The following ZNF519 variants were observed in gnomAD, a reference collection of about 807,000 sequenced individuals.
The protein encoded by ZNF519 is zinc finger protein 519.
In ZNF519, 7 loss-of-function variants were observed where a neutral mutation model predicts 7.4. That is an observed-to-expected ratio of 0.94 (90% CI 0.54 to 1.77). ZNF519 has a LOEUF of 1.77. Among genes scored for constraint, ZNF519 ranks in the 40% most tolerant of loss-of-function variants. The probability of loss-of-function intolerance (pLI) is 0.00; values close to 1 mark genes in which losing one functional copy is unlikely to be tolerated. For missense variants in ZNF519, 586 were observed against 623.1 expected (o/e 0.94, Z 0.63); for synonymous variants, 179 against 203.3 (o/e 0.88, Z 1.02).
intron 2 of ZNF519, among the ~76,000 whole-genome samples, chr18:14,111,000 T>C (rs2046217634): frequency 6.6e-6 from 1 of 151,900 alleles, no homozygotes; most frequent in Non-Finnish European, 1.5e-5. Context: ...AGAACTTATC[T>C]GTGTCACGAA....
chr18:14,106,605 T>C (rs28624098), intron 2 of ZNF519, among the ~76,000 whole-genome samples, 196 bp from the exon 3 acceptor site: 6,028 of 151,862 alleles, frequency 0.04, 413 homozygotes, highest in African/African-American at 0.14. Flanking sequence ...AATTTTACAA[T>C]GATCTATTAA....
In ZNF519 at chr18:14,102,036, T is replaced by C. The variant is rs942538293; in HGVS notation, c.*2881A>G. ...GTTTTTTGAGAATTTTATGCCCTGG[T>C]AGACCACAAATGAACAATCTTTGTC... On this transcript the variant is annotated 3_prime_UTR_variant, in exon 3 of 3. Coordinates refer to ENST00000590202, the MANE Select transcript of ZNF519 (RefSeq NM_145287.4). 6.9e-6 allele frequency: 2 copies of C among 289,860 alleles called. No homozygotes were observed. Among genetic ancestry groups the C allele is most frequent in the Admixed American group, 5.1e-5 (1 of 19,464 alleles). 18.0% of individuals were successfully genotyped at this position (289,860 alleles called of 1,614,324 possible).
At chr18:14,124,500 C>G (rs1235521126) in intron 1 of ZNF519, 24 bp from the exon 2 acceptor site, 5 of 1,601,692 alleles carry the variant, frequency 3.1e-6, no homozygotes. Flanking sequence ...TATCAAGTGA[C>G]AGAGCTCTTA....
downstream of ZNF519, chr18:14,075,467 C>T (rs2046044127): frequency 6.6e-6 from 1 of 152,146 alleles, no homozygotes. Context: ...TGCACACAGC[C>T]CTGCCCACTT....
intron 2 of ZNF519, among the ~76,000 whole-genome samples, chr18:14,119,639 T>C (rs2046261216): frequency 6.6e-6 from 1 of 152,140 alleles, no homozygotes; most frequent in Non-Finnish European, 1.5e-5. Context: ...TGGGGTTTTT[T>C]GAGACAGGGT....
intron 2 of ZNF519, chr18:14,122,572 T>C (rs1345133803): frequency 2.6e-5 from 4 of 152,172 alleles, no homozygotes; most frequent in East Asian, 1.9e-4. Context: ...AAAGGGGACA[T>C]TGGGTCTCAC....
intron 2 of ZNF519, among the ~76,000 whole-genome samples, chr18:14,117,973 T>A (rs549740032): frequency 6.6e-6 from 1 of 152,192 alleles, no homozygotes; most frequent in Non-Finnish European, 1.5e-5. Context: ...ATCCAAAATA[T>A]ATCATTTACA....
rs2046190920 is a variant in ZNF519 at position 14,106,222 on chromosome 18, T to G, written c.318A>C (p.Thr106=). 1.9e-6 allele frequency: 3 copies of G among 1,613,324 alleles called. No homozygotes were observed. The African/African-American group carries it at 4.0e-5, about 22-fold the overall frequency. Residue 106 remains threonine, a synonymous_variant, in exon 3 of 3, where the codon ACA becomes ACC. Transcript: ENST00000590202. ...ECYNLCSQYL[T]TSHNKHLTVK... ...CAGTTAAATGTTTGTTATGACTAGT[T>G]GTCAAATATTGGCTACATAGATTAT...
chr18:14,101,562 T>C lies in ZNF519; in HGVS notation c.*3355A>G, dbSNP rs2046161369. 2.5e-6 allele frequency: 1 copy of C among 397,658 alleles called. No homozygotes were observed. Among genetic ancestry groups the C allele is most frequent in the East Asian group, 3.6e-5 (1 of 28,044 alleles). The allele number at this position is 397,658 out of a possible 1,614,324, so 24.6% of individuals were successfully genotyped here. A position where few individuals can be genotyped will look rare whatever the true frequency, so the allele number is the denominator to read the frequency against. ...TGGATTAAAACTGTGGGTCACTCAATAGGGAAAGCCAAGGCACAAAGTCCT... is the reference window on the plus strand; with the variant it reads ...TGGATTAAAACTGTGGGTCACTCAACAGGGAAAGCCAAGGCACAAAGTCCT... On this transcript the variant is annotated 3_prime_UTR_variant, in exon 3 of 3. Coordinates refer to ENST00000590202, the MANE Select transcript of ZNF519 (RefSeq NM_145287.4).
intron 2 of ZNF519, chr18:14,122,537 G>T (rs1276264987): frequency 1.3e-5 from 2 of 151,938 alleles, no homozygotes; most frequent in Non-Finnish European, 2.9e-5. Flanking sequence ...AAAGCAGACA[G>T]ATCATGCAGC....
At chr18:14,073,840 G>T (rs2046037326), downstream of ZNF519, 1 of 152,074 alleles carries the variant, frequency 6.6e-6, no homozygotes, top group South Asian at 2.1e-4. Context: ...TTTATAATTT[G>T]CCTTTTGCAA....
intron 2 of ZNF519, among the ~76,000 whole-genome samples, chr18:14,120,169 GAA>G (rs1455900615): frequency 3.3e-5 from 5 of 152,056 alleles, no homozygotes; most frequent in South Asian, 4.1e-4. Flanking sequence ...TTATAGTAAT[GAA>G]AAGAGTGTGG....
intron 1 of ZNF519, among the ~76,000 whole-genome samples, chr18:14,126,199 T>C (rs1262859883): frequency 6.6e-6 from 1 of 152,092 alleles, no homozygotes; most frequent in African/African-American, 2.4e-5. Flanking sequence ...CTGCGCAGGG[T>C]TGGGACAGAT....
intron 2 of ZNF519, among the ~76,000 whole-genome samples, chr18:14,111,515 G>GAAAAAAAAAAAAA (rs371322134): frequency 4.1e-5 from 3 of 72,300 alleles, no homozygotes; most frequent in Non-Finnish European, 8.5e-5. Flanking sequence ...TCAAAAAAAA[G>GAAAAAAAAAAAAA]AAAAAAAAAA....
intron 2 of ZNF519, chr18:14,085,211 T>C (rs1379716320): frequency 6.6e-6 from 1 of 152,164 alleles, no homozygotes; most frequent in Non-Finnish European, 1.5e-5. Flanking sequence ...TCTGAATACA[T>C]GATAAACTTT....
Position 14,132,232 on chromosome 18 carries a change from A to T in ZNF519, c.3+43T>A, listed in dbSNP as rs372409454. ...CCGCCATGTCCAGCCGGTTCCAAGG[A>T]GCCCCCTCCCCAGTCTCGGTACGCC... On this transcript the variant is annotated intron_variant, in intron 1 of 2. Transcript: ENST00000590202. 2.9e-5 allele frequency: 46 copies of T among 1,611,512 alleles called. 1 individual carries two copies. The highest frequency in any genetic ancestry group is 3.7e-5 in the Non-Finnish European group (44 of 1,178,258).
rs1235698706 is a variant in ZNF519, at chr18:14,102,358, A to T, written c.*2559T>A. On this transcript the variant is annotated 3_prime_UTR_variant, in exon 3 of 3. Transcript: ENST00000590202. ...AATTTTTTGTATTTTTGGTAGAGAGAGGGTTTTACTAAGTTGGCTAGGCTA... is the reference window on the plus strand; with the variant it reads ...AATTTTTTGTATTTTTGGTAGAGAGTGGGTTTTACTAAGTTGGCTAGGCTA... 1 of 152,028 alleles carries T rather than the reference A, an allele frequency of 6.6e-6. No individual in the cohort carries two copies. The highest frequency in any genetic ancestry group is 1.5e-5 in the Non-Finnish European group (1 of 68,022). The allele number at this position is 152,028 out of a possible 1,614,324, so 9.4% of individuals were successfully genotyped here.
rs144584224 is a variant in ZNF519 at position 14,105,909 on chromosome 18, A to T, written c.631T>A (p.Ser211Thr). The T allele has an allele frequency of 1.9e-6, 3 of 1,610,074 alleles. No homozygotes were observed. The highest frequency in any genetic ancestry group is 2.7e-5 in the African/African-American group (2 of 74,650). ...TCAGAAGTTTCACCACATTCATTAGAGTTGTAAGGCTTTTTTTGAATATGG... is the reference window on the plus strand; with the variant it reads ...TCAGAAGTTTCACCACATTCATTAGTGTTGTAAGGCTTTTTTTGAATATGG... ...NIHIQKKPYN[S>T]NECGETSDPF... The change falls in exon 3 of 3, where the codon TCT (serine) becomes ACT (threonine). Residue 211 changes from serine to threonine, a missense_variant. Transcript: ENST00000590202.
Position 14,103,711 on chromosome 18 carries a change from T to G in ZNF519, c.*1206A>C, listed in dbSNP as rs1598514755. 1 of 152,186 alleles carries G rather than the reference T, an allele frequency of 6.6e-6. No individual in the cohort carries two copies. Among genetic ancestry groups the G allele is most frequent in the East Asian group, 1.9e-4 (1 of 5,178 alleles). 9.4% of individuals were successfully genotyped at this position (152,186 alleles called of 1,614,324 possible). A position where few individuals can be genotyped will look rare whatever the true frequency, so the allele number is the denominator to read the frequency against. ...CAACATTCTCCAAACTATTTGGAGTTTAATACCACTAAGGGTAAAAAAATG... is the reference window on the plus strand; with the variant it reads ...CAACATTCTCCAAACTATTTGGAGTGTAATACCACTAAGGGTAAAAAAATG... On this transcript the variant is annotated 3_prime_UTR_variant, in exon 3 of 3. Transcript: ENST00000590202.
Sources: allele counts gnomAD v4.1 joint callset (sites outside exome capture counted in the v4.1 genomes callset), GRCh38; gene constraint gnomAD v4.1.1; transcripts MANE v1.5; gene names NCBI Gene and HGNC (gene_info 2026-07-23, HGNC 2026-07-21).